ADGRB3: variants seen among roughly 807,000 people sequenced by gnomAD.
ADGRB3 encodes adhesion G protein-coupled receptor B3.
A neutral mutation model predicts 193.4 loss-of-function variants in ADGRB3; 37 were observed. The observed-to-expected ratio is 0.19, with a 90% CI of 0.15 to 0.25. ADGRB3 has a LOEUF of 0.25. ADGRB3 is among the 10% of genes least tolerant of loss of function. The pLI, the probability that ADGRB3 is intolerant of heterozygous loss-of-function variation, is 1.00. For missense variants in ADGRB3, 1,637 were observed against 1,852.9 expected (o/e 0.88, Z 2.14); for synonymous variants, 690 against 644.2 (o/e 1.07, Z -1.08).
intron 3 of ADGRB3, among the ~76,000 whole-genome samples, chr6:68,692,130 T>C (rs1258932662): frequency 6.6e-6 from 1 of 151,864 alleles, no homozygotes; most frequent in Non-Finnish European, 1.5e-5. Context: ...TGGAGGATTT[T>C]AATAATTATT....
In ADGRB3 at chr6:69,369,701, A is replaced by C. The variant is rs1411857153; in HGVS notation, c.4240-2705A>C. Among the ~76,000 whole-genome samples the C allele has an allele frequency of 2.0e-5, 3 of 148,920 alleles. No homozygotes were observed. In the East Asian group the frequency reaches 6.3e-4, roughly 31 times the overall value. Reference sequence around the variant, plus strand: ...TGACAGAGCAAGACCATTTCAAAAAAAAAAAAAAAAAAAGAGAGAGCGAGT... The same window carrying C: ...TGACAGAGCAAGACCATTTCAAAAACAAAAAAAAAAAAAGAGAGAGCGAGT... On this transcript the variant is annotated intron_variant, in intron 29 of 31. Coordinates refer to ENST00000370598, the MANE Select transcript of ADGRB3 (RefSeq NM_001704.3).
chr6:69,291,338 G>A (rs1289505315), intron 20 of ADGRB3, among the ~76,000 whole-genome samples: 1 of 152,056 alleles, frequency 6.6e-6, no homozygotes, highest in Non-Finnish European at 1.5e-5. Flanking sequence ...ATTATAACTT[G>A]TAGCTAAGTA....
In ADGRB3 at chr6:68,870,062, A is replaced by G. The variant is rs538097274; in HGVS notation, c.758-60497A>G. ...CCCAAGTGCTGGGATTACAGGTGTG[A>G]GCCACTGTGCCCAGCCGAAAGGCAA... is the stretch of plus-strand genomic sequence containing the variant. On this transcript the variant is annotated intron_variant, in intron 3 of 31. Coordinates refer to ENST00000370598, the MANE Select transcript of ADGRB3 (RefSeq NM_001704.3). Among the ~76,000 whole-genome samples the G allele has an allele frequency of 4.6e-5, 7 of 152,306 alleles. 1 individual carries two copies. The highest frequency in any genetic ancestry group is 1.0e-4 in the Non-Finnish European group (7 of 68,022).
At chr6:68,817,460 T>C (rs1252158616) in intron 3 of ADGRB3, among the ~76,000 whole-genome samples, 1 of 150,468 alleles carries the variant, frequency 6.6e-6, no homozygotes, top group East Asian at 2.0e-4. Flanking sequence ...ATCTAAGCAC[T>C]CTTTACCACC....
At chr6:68,894,380 A>G (rs1423201812) in intron 3 of ADGRB3, among the ~76,000 whole-genome samples, 1 of 151,980 alleles carries the variant, frequency 6.6e-6, no homozygotes, top group Non-Finnish European at 1.5e-5. Context: ...AACTTCCAGA[A>G]CATCTGTTCT....
chr6:69,056,206 C>T (rs1218085166), intron 15 of ADGRB3, among the ~76,000 whole-genome samples: 4 of 152,204 alleles, frequency 2.6e-5, no homozygotes, highest in East Asian at 1.9e-4. Context: ...TTGCATTTCT[C>T]TTATGATTAG....
rs533089887 is a variant in ADGRB3 at position 69,346,570 on chromosome 6, G to A, written c.3459+7066G>A. Among the ~76,000 whole-genome samples, 143 of 152,296 alleles carry A rather than the reference G, an allele frequency of 9.4e-4. 1 individual carries two copies. The highest frequency in any genetic ancestry group is 3.4e-3 in the African/African-American group (141 of 41,582). On this transcript the variant is annotated intron_variant, in intron 26 of 31. Transcript: ENST00000370598. ...TATGAACAGACACTTTTCAAAAGAAGACATTTATGCAGCCAACAAACATAT... is the reference window on the plus strand; with the variant it reads ...TATGAACAGACACTTTTCAAAAGAAAACATTTATGCAGCCAACAAACATAT...
Position 68,956,120 on chromosome 6 carries a change from C to T in ADGRB3, c.1292C>T (p.Ala431Val). The T allele has an allele frequency of 6.2e-7, 1 of 1,613,906 alleles. No individual in the cohort carries two copies. The change falls in exon 7 of 32, where the codon GCC (alanine) becomes GTC (valine). Residue 431 changes from alanine to valine, a missense_variant. By Grantham distance (64) the Ala-to-Val change is moderately conservative. Transcript: ENST00000370598. ...QQRSRQCTAA[A>V]HGGSECRGPW... ...AGAAGCCGGCAGTGCACTGCAGCTGCCCATGGAGGCTCCGAATGCAGAGGG... is the reference window on the plus strand; with the variant it reads ...AGAAGCCGGCAGTGCACTGCAGCTGTCCATGGAGGCTCCGAATGCAGAGGG...
Position 69,361,473 on chromosome 6 carries a change from A to C in ADGRB3, c.4200A>C (p.Arg1400Ser). 6.2e-7 allele frequency: 1 copy of C among 1,612,612 alleles called. No homozygotes were observed. Among genetic ancestry groups the C allele is most frequent in the Non-Finnish European group, 8.5e-7 (1 of 1,179,014 alleles). ...TGGATGATAATGCAGGACTATCAAGAAGTGAAACTGGATCAACGATATCAA... is the reference window on the plus strand; with the variant it reads ...TGGATGATAATGCAGGACTATCAAGCAGTGAAACTGGATCAACGATATCAA... ...SELDDNAGLSRSETGSTISMS... is the reference protein window; with the variant it reads ...SELDDNAGLSSSETGSTISMS... The change falls in exon 29 of 32, where the codon AGA becomes AGC. Residue 1400 changes from arginine (R) to serine (S), a missense_variant. Transcript: ENST00000370598.
At chr6:69,159,863 A>G (rs1167263443) in intron 17 of ADGRB3, among the ~76,000 whole-genome samples, 1 of 152,168 alleles carries the variant, frequency 6.6e-6, no homozygotes, top group Non-Finnish European at 1.5e-5. Context: ...CGCAAATTCC[A>G]GAACCTATAA....
At chr6:68,843,460 C>T (rs1054044971) in intron 3 of ADGRB3, among the ~76,000 whole-genome samples, 1 of 151,678 alleles carries the variant, frequency 6.6e-6, no homozygotes, top group East Asian at 1.9e-4. Context: ...TAGAAATTAA[C>T]ATAAGGAAGT....
chr6:69,287,632 C>G (rs1767580405), intron 20 of ADGRB3, among the ~76,000 whole-genome samples: 1 of 152,156 alleles, frequency 6.6e-6, no homozygotes, highest in Non-Finnish European at 1.5e-5. Flanking sequence ...GAAGGTTAAG[C>G]TCATGGAGAG....
chr6:69,340,245 AGT>A (rs1391447344), intron 26 of ADGRB3, among the ~76,000 whole-genome samples: 1 of 152,212 alleles, frequency 6.6e-6, no homozygotes, highest in African/African-American at 2.4e-5. Context: ...CATCCAGGAC[AGT>A]GAGAGATTTC....
chr6:68,688,885 T>G (rs1247900816), intron 3 of ADGRB3, among the ~76,000 whole-genome samples: 1 of 152,168 alleles, frequency 6.6e-6, no homozygotes, highest in Non-Finnish European at 1.5e-5. Flanking sequence ...CTGGCATTAT[T>G]TAATCCTTGC....
At chr6:69,288,209 G>A (rs947790247) in intron 20 of ADGRB3, among the ~76,000 whole-genome samples, 39 of 151,928 alleles carry the variant, frequency 2.6e-4, no homozygotes, top group African/African-American at 2.2e-4. Flanking sequence ...CCCTCCACCC[G>A]CTAACAGGCC....
chr6:68,920,952 A>C lies in ADGRB3; in HGVS notation c.758-9607A>C, dbSNP rs568279567. ...AAAAGCCTATAGATGCTGATTAATT[A>C]AAGAGATTGACAGATTTTTAAAAAT... On this transcript the variant is annotated intron_variant, in intron 3 of 31. Transcript: ENST00000370598. Among the ~76,000 whole-genome samples, 7 of 152,338 alleles carry C rather than the reference A, an allele frequency of 4.6e-5. 1 individual carries two copies. Among genetic ancestry groups the C allele is most frequent in the African/African-American group, 1.4e-4 (6 of 41,582 alleles).
At chr6:68,893,754 T>TG (rs1259686786) in intron 3 of ADGRB3, among the ~76,000 whole-genome samples, 4 of 151,974 alleles carry the variant, frequency 2.6e-5, no homozygotes. Flanking sequence ...TTACATTCCA[T>TG]GTACTTAAGT....
chr6:68,849,772 T>G (rs999625633), intron 3 of ADGRB3, among the ~76,000 whole-genome samples: 9 of 152,052 alleles, frequency 5.9e-5, no homozygotes, highest in African/African-American at 2.2e-4. Context: ...TTTGGATGGA[T>G]AGCTGGATGG....
intron 3 of ADGRB3, among the ~76,000 whole-genome samples, chr6:68,709,318 T>G (rs1410596858): frequency 1.3e-5 from 2 of 152,158 alleles, no homozygotes; most frequent in African/African-American, 2.4e-5. Context: ...TCTAATGCAT[T>G]TTACAAGAGG....
Sources: gnomAD v4.1 joint callset for allele counts (sites outside exome capture counted in the v4.1 genomes callset) on GRCh38, gnomAD v4.1.1 for gene constraint, MANE v1.5 for transcripts, NCBI Gene and HGNC (gene_info 2026-07-23, HGNC 2026-07-21) for gene names.